CROCC: variants seen among roughly 807,000 people sequenced by gnomAD.
CROCC encodes rootletin.
A neutral mutation model predicts 245.2 loss-of-function variants in CROCC; 180 were observed. That is an observed-to-expected ratio of 0.73 (90% CI 0.65 to 0.83). CROCC has a LOEUF of 0.83. CROCC is among the 40% of genes least tolerant of loss of function. CROCC has a pLI of 0.00. For synonymous variants in CROCC, 1,205 were observed against 1,241.6 expected, an observed-to-expected ratio of 0.97 and a Z score of 0.62; for missense variants, 2,688 against 2,779.4, an observed-to-expected ratio of 0.97 and a Z score of 0.74.
At chr1:16,951,932 C>T (rs2076167739) in intron 20 of CROCC, 1 of 162,314 alleles carries the variant, frequency 6.2e-6, no homozygotes, top group Non-Finnish European at 1.3e-5. Context: ...TGCTCTGTTG[C>T]TTAGGCTGGA....
chr1:16,963,171 G>T (rs1244337196), intron 27 of CROCC, among the ~76,000 whole-genome samples: 1 of 143,856 alleles, frequency 7.0e-6, no homozygotes, highest in Non-Finnish European at 1.5e-5. Context: ...CAACAAGAGC[G>T]AAACTCCGTC....
At chr1:16,942,132 T>G (rs535230496) in intron 13 of CROCC, among the ~76,000 whole-genome samples, 1 of 152,378 alleles carries the variant, frequency 6.6e-6, no homozygotes, top group South Asian at 2.1e-4. Context: ...CATCTCAGCC[T>G]CCTGAGTAGC....
chr1:16,933,643 C>T (rs2075728133), intron 8 of CROCC, among the ~76,000 whole-genome samples: 1 of 152,174 alleles, frequency 6.6e-6, no homozygotes, highest in Admixed American at 6.5e-5. Flanking sequence ...CTTGGCTCAC[C>T]ACAACCTCTC....
Position 16,966,685 on chromosome 1 carries a change from C to T in CROCC, c.4860+114C>T. The stretch of plus-strand genomic sequence containing the variant: ...TCTGCCTGAGTCTCTCTGCAACCCA[C>T]TGAGGTGACCAGCCTGTGACTCTGT... On this transcript the variant is annotated intron_variant, in intron 30 of 36. Transcript: ENST00000375541. This position sits in a 1 kb window ranked among gnomAD's most constrained non-coding sequence, Gnocchi z 4.8. The T allele has an allele frequency of 8.2e-7, 1 of 1,217,024 alleles. No individual in the cohort carries two copies. The highest frequency in any genetic ancestry group is 2.5e-4 in the Middle Eastern group (1 of 3,952). 75.4% of individuals were successfully genotyped at this position (1,217,024 alleles called of 1,614,324 possible). A position where few individuals can be genotyped will look rare whatever the true frequency, so the allele number is the denominator to read the frequency against.
upstream of CROCC, among the ~76,000 whole-genome samples, chr1:16,918,253 C>T (rs2075330987): frequency 6.8e-6 from 1 of 147,944 alleles, no homozygotes; most frequent in African/African-American, 2.5e-5. Flanking sequence ...GTCCAGGTGG[C>T]CAGATGCTGA....
chr1:16,953,091 C>T (rs2076189722), intron 20 of CROCC: 7 of 564,974 alleles, frequency 1.2e-5, no homozygotes, highest in South Asian at 2.3e-5. Flanking sequence ...GGACCATGTT[C>T]GGACCCCCAG....
At chr1:16,917,624 AATG>A (rs1288438132), upstream of CROCC, among the ~76,000 whole-genome samples, 12 of 139,282 alleles carry the variant, frequency 8.6e-5, no homozygotes, top group Non-Finnish European at 1.2e-4. Flanking sequence ...TCATGATAGT[AATG>A]ATAACAGTAG....
At chr1:16,955,162 C>A in intron 23 of CROCC, 150 bp from the exon 24 acceptor site, 1 of 789,124 alleles carries the variant, frequency 1.3e-6, no homozygotes, top group Non-Finnish European at 2.1e-6. Flanking sequence ...GATTACAGCA[C>A]GCCTTGCTCA....
intron 32 of CROCC, 125 bp downstream of exon 32, chr1:16,969,465 G>C: frequency 2.0e-6 from 2 of 987,960 alleles, no homozygotes; most frequent in East Asian, 5.2e-5. Flanking sequence ...AATGAGAGCA[G>C]GCTTTGAAGG....
At chr1:16,944,836 C>T (rs574496277) in intron 14 of CROCC, among the ~76,000 whole-genome samples, 30 of 152,368 alleles carry the variant, frequency 2.0e-4, no homozygotes, top group Non-Finnish European at 3.7e-4. Context: ...GGGACGTGAT[C>T]GATGATGATG....
At chr1:16,960,453 A>G (rs1557634149) in intron 26 of CROCC, among the ~76,000 whole-genome samples, 1 of 152,188 alleles carries the variant, frequency 6.6e-6, no homozygotes, top group African/African-American at 2.4e-5. Context: ...TAGAGTTAAT[A>G]TTTTTTGGAA....
At position 16,930,562 on chromosome 1, in the gene CROCC, C is replaced by T. The variant is rs1292839484; in HGVS notation, c.817C>T (p.His273Tyr). ...GACACGCTGCCGCAAGGAGCTGGAG[C>T]ACCGGGAGGCGGCGTGGAGGCGCGA... ...DWTRCRKELE[H>Y]REAAWRREEE... is the part of the protein sequence containing the mutation. The change falls in exon 7 of 37, where the codon CAC becomes TAC. Residue 273 changes from histidine to tyrosine, a missense_variant. His to Tyr is a moderately conservative substitution (Grantham distance 83, BLOSUM62 2). Around this residue, in one of 9 missense-constraint regions of CROCC, gnomAD observed 972 missense variants for 895.3 expected, o/e 1.09. Coordinates refer to ENST00000375541, the MANE Select transcript of CROCC (RefSeq NM_014675.5). 3 of 1,612,016 alleles carry T rather than the reference C, an allele frequency of 1.9e-6. No individual in the cohort carries two copies. The highest frequency in any genetic ancestry group is 2.5e-6 in the Non-Finnish European group (3 of 1,179,668).
chr1:16,948,682 G>A, intron 18 of CROCC, 117 bp from the exon 19 acceptor site: 1 of 1,539,814 alleles, frequency 6.5e-7, no homozygotes, highest in Non-Finnish European at 8.7e-7. Flanking sequence ...GGGAGTGTGG[G>A]CCTGGCCAGG....
intron 8 of CROCC, among the ~76,000 whole-genome samples, chr1:16,935,412 T>C (rs2075766651): frequency 6.6e-6 from 1 of 152,182 alleles, no homozygotes; most frequent in African/African-American, 2.4e-5. Flanking sequence ...TCTCCACTGG[T>C]TTTTTTGTTT....
intron 26 of CROCC, among the ~76,000 whole-genome samples, chr1:16,960,416 AGT>A (rs2076311322): frequency 6.6e-6 from 1 of 152,336 alleles, no homozygotes; most frequent in South Asian, 2.1e-4. Flanking sequence ...TCTTCTGTAA[AGT>A]GAGATCGATT....
At chr1:16,922,197 G>A (rs1198724698) in intron 1 of CROCC, 119 bp downstream of exon 1, 48 of 1,065,772 alleles carry the variant, frequency 4.5e-5, no homozygotes, top group African/African-American at 3.8e-4. Context: ...GTGGTGGTGG[G>A]GTATACAGGG....
intron 35 of CROCC, chr1:16,971,016 A>C: frequency 2.2e-6 from 1 of 462,142 alleles, no homozygotes; most frequent in Non-Finnish European, 3.8e-6. Flanking sequence ...CAGTGTGAGA[A>C]TCCATGTGAC....
At chr1:16,928,728 G>T (rs374623675) in intron 3 of CROCC, among the ~76,000 whole-genome samples, 1 of 151,870 alleles carries the variant, frequency 6.6e-6, no homozygotes, top group African/African-American at 2.4e-5. Flanking sequence ...ATTTGAACCC[G>T]GGAGGTGTAG....
At chr1:16,928,119 T>G (rs1408564362) in intron 3 of CROCC, among the ~76,000 whole-genome samples, 2 of 152,290 alleles carry the variant, frequency 1.3e-5, no homozygotes, top group African/African-American at 4.8e-5. Context: ...TTCCTGTGGC[T>G]GGCGTGGCCC....
Sources: allele counts gnomAD v4.1 joint callset (sites outside exome capture counted in the v4.1 genomes callset), GRCh38; gene constraint gnomAD v4.1.1; regional missense constraint gnomAD v4.1.1; non-coding constraint Gnocchi (gnomAD v3.1); transcripts MANE v1.5; gene names NCBI Gene and HGNC (gene_info 2026-07-23, HGNC 2026-07-21).